Variants in SLC35F4 observed in about 807,000 individuals in gnomAD.
The protein encoded by SLC35F4 is solute carrier family 35 member F4, also known as chromosome 14 open reading frame 36.
A neutral mutation model predicts 44.2 loss-of-function variants in SLC35F4; 24 were observed. The observed-to-expected ratio is 0.54, with a 90% CI of 0.39 to 0.76. The LOEUF (loss-of-function observed/expected upper bound fraction) is 0.76. SLC35F4 is among the 30% of genes least tolerant of loss of function. The pLI, the probability that SLC35F4 is intolerant of heterozygous loss-of-function variation, is 0.00. For synonymous variants in SLC35F4, 238 were observed against 223.6 expected, an observed-to-expected ratio of 1.06 and a Z score of -0.57; for missense variants, 562 against 586.1, an observed-to-expected ratio of 0.96 and a Z score of 0.42.
chr14:57,951,013 A>G (rs1890130097), intron 1 of SLC35F4, among the ~76,000 whole-genome samples: 1 of 152,154 alleles, frequency 6.6e-6, no homozygotes, highest in Non-Finnish European at 1.5e-5. Context: ...GTGGCTGGCA[A>G]GATGGCCAAT....
At position 57,815,639 on chromosome 14, in the gene SLC35F4, G is replaced by A. The variant is rs879378208; in HGVS notation, c.103+50084C>T. On this transcript the variant is annotated intron_variant, in intron 1 of 7. Transcript: ENST00000556826. ...TTGCCTAGCTATGACCTAGCTTCTG[G>A]CAAGGCAGAATTTACTTAAGGATGC... 3.9e-5 allele frequency among the ~76,000 whole-genome samples: 6 copies of A among 152,158 alleles called. No individual in the cohort carries two copies. The East Asian group carries it at 1.2e-3, about 29-fold the overall frequency.
At chr14:57,907,255 C>T (rs1889118565) in intron 1 of SLC35F4, among the ~76,000 whole-genome samples, 1 of 152,080 alleles carries the variant, frequency 6.6e-6, no homozygotes, top group African/African-American at 2.4e-5. Flanking sequence ...AGGTATAATG[C>T]TATTGTACAC....
intron 1 of SLC35F4, among the ~76,000 whole-genome samples, chr14:57,731,977 C>T (rs2076355363): frequency 6.6e-6 from 1 of 152,066 alleles, no homozygotes; most frequent in Admixed American, 6.6e-5. Flanking sequence ...AATAAAGCTT[C>T]AATTCCAAGA....
chr14:57,611,342 T>C (rs980211761), intron 1 of SLC35F4, among the ~76,000 whole-genome samples: 1 of 152,032 alleles, frequency 6.6e-6, no homozygotes, highest in African/African-American at 2.4e-5. Flanking sequence ...GAAGACAGGA[T>C]TGGTCATATG....
intron 1 of SLC35F4, among the ~76,000 whole-genome samples, chr14:57,862,081 C>T (rs1413606399): frequency 6.6e-6 from 1 of 152,102 alleles, no homozygotes; most frequent in East Asian, 1.9e-4. Context: ...ACCCCCCACC[C>T]CTTTCCAAAG....
intron 6 of SLC35F4, among the ~76,000 whole-genome samples, chr14:57,566,901 T>C (rs756436437): frequency 6.6e-6 from 1 of 152,234 alleles, no homozygotes; most frequent in Non-Finnish European, 1.5e-5. Flanking sequence ...AGGTGATTGA[T>C]TGAAGATGGT....
At chr14:57,579,037 A>G (rs549401502) in intron 4 of SLC35F4, 2 of 152,330 alleles carry the variant, frequency 1.3e-5, no homozygotes, top group East Asian at 3.9e-4. Context: ...GCTGGTGACC[A>G]CATCACTCCA....
intron 1 of SLC35F4, among the ~76,000 whole-genome samples, chr14:57,649,193 T>C (rs2073675357): frequency 6.6e-6 from 1 of 152,218 alleles, no homozygotes; most frequent in Non-Finnish European, 1.5e-5. Context: ...TGTGTGCTAA[T>C]GTGCTTCACT....
At chr14:57,744,414 C>G (rs1485631365) in intron 1 of SLC35F4, among the ~76,000 whole-genome samples, 1 of 152,118 alleles carries the variant, frequency 6.6e-6, no homozygotes, top group African/African-American at 2.4e-5. Flanking sequence ...AAATCACAAA[C>G]ATTCCTATAC....
At chr14:57,851,390 G>C (rs1886549066) in intron 1 of SLC35F4, among the ~76,000 whole-genome samples, 1 of 152,144 alleles carries the variant, frequency 6.6e-6, no homozygotes, top group Non-Finnish European at 1.5e-5. Flanking sequence ...TGTGCATTTG[G>C]GGGATAGGTG....
intron 1 of SLC35F4, among the ~76,000 whole-genome samples, chr14:57,693,846 C>T (rs116542930): frequency 2.6e-5 from 4 of 152,082 alleles, no homozygotes; most frequent in Non-Finnish European, 5.9e-5. Context: ...TATGCCCACA[C>T]AGCACAGGTG....
intron 1 of SLC35F4, among the ~76,000 whole-genome samples, chr14:57,827,935 C>A (rs138803820): frequency 6.6e-6 from 1 of 152,136 alleles, no homozygotes; most frequent in Non-Finnish European, 1.5e-5. Context: ...CAGCTAATAA[C>A]CTGCATCTAC....
chr14:57,824,602 A>G (rs988363338), intron 1 of SLC35F4, among the ~76,000 whole-genome samples: 1 of 152,194 alleles, frequency 6.6e-6, no homozygotes, highest in Non-Finnish European at 1.5e-5. Context: ...GGGGTTATCA[A>G]GGAAGGTCTC....
intron 1 of SLC35F4, among the ~76,000 whole-genome samples, chr14:57,959,827 A>G (rs1382335448): frequency 1.3e-5 from 2 of 152,208 alleles, no homozygotes; most frequent in African/African-American, 4.8e-5. Flanking sequence ...GTCAGTTACA[A>G]TTGCTATGGT....
intron 1 of SLC35F4, among the ~76,000 whole-genome samples, chr14:57,947,438 T>C (rs1007783338): frequency 2.6e-5 from 4 of 152,296 alleles, no homozygotes; most frequent in African/African-American, 9.6e-5. Flanking sequence ...TGGATGAGTC[T>C]TTGGGGTCTT....
intron 1 of SLC35F4, among the ~76,000 whole-genome samples, chr14:57,872,512 A>C (rs1002408918): frequency 6.6e-6 from 1 of 152,120 alleles, no homozygotes; most frequent in Non-Finnish European, 1.5e-5. Context: ...ATTCACCTAG[A>C]CACAGCCTGA....
At chr14:57,779,923 G>A (rs1311939596) in intron 1 of SLC35F4, among the ~76,000 whole-genome samples, 2 of 152,080 alleles carry the variant, frequency 1.3e-5, no homozygotes, top group Admixed American at 1.3e-4. Context: ...AGGTATTGAT[G>A]GAATATACCT....
At chr14:57,778,642 A>G (rs1004088033) in intron 1 of SLC35F4, among the ~76,000 whole-genome samples, 2 of 152,124 alleles carry the variant, frequency 1.3e-5, no homozygotes, top group African/African-American at 4.8e-5. Context: ...CATCTACAGA[A>G]CGATACACCC....
intron 1 of SLC35F4, among the ~76,000 whole-genome samples, chr14:57,657,825 G>A (rs1305007238): frequency 6.6e-6 from 1 of 152,122 alleles, no homozygotes; most frequent in Non-Finnish European, 1.5e-5. Context: ...CCTCGGATTG[G>A]GAAGGTGCCT....
Sources: gnomAD v4.1 joint callset for allele counts (sites outside exome capture counted in the v4.1 genomes callset) on GRCh38, gnomAD v4.1.1 for gene constraint, MANE v1.5 for transcripts, NCBI Gene and HGNC (gene_info 2026-07-23, HGNC 2026-07-21) for gene names.